Variants in IL1RAPL2 observed in about 807,000 individuals in gnomAD.
The protein encoded by IL1RAPL2 is interleukin 1 receptor accessory protein like 2, also known as X-linked interleukin-1 receptor accessory protein-like 2.
In IL1RAPL2, 3 loss-of-function variants were observed where a neutral mutation model predicts 44.1. The observed-to-expected ratio is 0.07, with a 90% CI of 0.03 to 0.18. IL1RAPL2 has a LOEUF of 0.18. IL1RAPL2 is among the 10% of genes least tolerant of loss of function. The pLI is 1.00. For missense variants in IL1RAPL2, 391 were observed against 496.4 expected (o/e 0.79, Z 2.02); for synonymous variants, 181 against 178.8 (o/e 1.01, Z -0.10).
At position 105,036,188 on chromosome X, in the gene IL1RAPL2, G is replaced by T. The variant is rs901043936; in HGVS notation, c.83-159287G>T. On this transcript the variant is annotated intron_variant, in intron 2 of 10. Coordinates refer to ENST00000372582, the MANE Select transcript of IL1RAPL2 (RefSeq NM_017416.2). ...ATTCTAAATTTCTGGTCACCTCATT[G>T]ACCCTTTCCCACTCCCAGCACCCAA... 2.7e-5 allele frequency among the ~76,000 whole-genome samples: 3 copies of T among 111,681 alleles called. No homozygotes were observed. The East Asian group carries it at 8.5e-4, about 31-fold the overall frequency.
chrX:105,373,000 A>G (rs1430201410), intron 5 of IL1RAPL2, among the ~76,000 whole-genome samples: 4 of 112,568 alleles, frequency 3.6e-5, no homozygotes, highest in Non-Finnish European at 7.5e-5. Context: ...TGTCTTTATG[A>G]TAGAACAATT....
intron 2 of IL1RAPL2, among the ~76,000 whole-genome samples, chrX:105,162,566 T>C (rs1171728746): frequency 1.8e-5 from 2 of 112,338 alleles, no homozygotes; most frequent in East Asian, 2.8e-4. Context: ...TGAATTATTA[T>C]ATATTTTTAA....
At chrX:105,090,267 C>T (rs2147554133) in intron 2 of IL1RAPL2, among the ~76,000 whole-genome samples, 1 of 111,544 alleles carries the variant, frequency 9.0e-6, no homozygotes, top group African/African-American at 3.3e-5. Context: ...TATTCAAGTC[C>T]CACAGTCACT....
At chrX:104,883,453 C>T (rs1432298043) in intron 2 of IL1RAPL2, among the ~76,000 whole-genome samples, 1 of 111,098 alleles carries the variant, frequency 9.0e-6, no homozygotes, top group Admixed American at 9.5e-5. Flanking sequence ...CATTCAGCTC[C>T]AGGGTCCCGA....
chrX:105,757,127 T>A (rs1439089411), intron 10 of IL1RAPL2, among the ~76,000 whole-genome samples: 1 of 111,871 alleles, frequency 8.9e-6, no homozygotes. Flanking sequence ...CTCCTAAATT[T>A]GTCTCCTACC....
chrX:104,847,391 A>C (rs1922084152), intron 2 of IL1RAPL2, among the ~76,000 whole-genome samples: 1 of 111,801 alleles, frequency 8.9e-6, no homozygotes, highest in Non-Finnish European at 1.9e-5. Flanking sequence ...GAAGGGATCC[A>C]GTTTCAGCTT....
intron 6 of IL1RAPL2, among the ~76,000 whole-genome samples, chrX:105,576,759 A>G (rs1330853257): frequency 8.9e-6 from 1 of 111,923 alleles, no homozygotes; most frequent in African/African-American, 3.2e-5. Context: ...TGCAGAATAT[A>G]TAAGCCAACT....
chrX:104,692,736 A>G (rs1178816070), intron 2 of IL1RAPL2, among the ~76,000 whole-genome samples: 1 of 111,305 alleles, frequency 9.0e-6, no homozygotes, highest in East Asian at 2.8e-4. Flanking sequence ...TCTTAATCCA[A>G]TCTATCATCG....
At chrX:105,583,499 G>T (rs2037104801) in intron 6 of IL1RAPL2, among the ~76,000 whole-genome samples, 1 of 111,781 alleles carries the variant, frequency 8.9e-6, no homozygotes, top group African/African-American at 3.2e-5. Context: ...CATAAGCCTT[G>T]TTAGTTTGCA....
At chrX:105,024,778 T>A (rs2031338682) in intron 2 of IL1RAPL2, among the ~76,000 whole-genome samples, 1 of 111,574 alleles carries the variant, frequency 9.0e-6, no homozygotes, top group African/African-American at 3.2e-5. Flanking sequence ...GAAGATAGCA[T>A]GTTTATGTTG....
chrX:104,740,119 G>A (rs780708775), intron 2 of IL1RAPL2, among the ~76,000 whole-genome samples: 3 of 110,848 alleles, frequency 2.7e-5, no homozygotes, highest in Non-Finnish European at 3.8e-5. Context: ...TTCCTCCCTC[G>A]ATCAATAAGA....
At chrX:104,647,080 C>T (rs1410389557) in intron 1 of IL1RAPL2, 1 of 205,045 alleles carries the variant, frequency 4.9e-6, no homozygotes, top group African/African-American at 3.0e-5. Context: ...ATTTCCTTCA[C>T]TTTAAGCCAG....
chrX:105,447,352 TATAAATATATA>T (rs2035972466), intron 5 of IL1RAPL2, among the ~76,000 whole-genome samples: 2 of 65,143 alleles, frequency 3.1e-5, no homozygotes, highest in Non-Finnish European at 5.1e-5. Flanking sequence ...TATATAAATA[TATAAATATATA>T]AATATAAATA....
chrX:104,730,377 C>A (rs989614086), intron 2 of IL1RAPL2, among the ~76,000 whole-genome samples: 1 of 74,518 alleles, frequency 1.3e-5, no homozygotes, highest in Non-Finnish European at 2.9e-5. Flanking sequence ...TCCCCTCCCC[C>A]CCACCCCAGA....
chrX:105,131,043 A>T (rs1005324576), intron 2 of IL1RAPL2, among the ~76,000 whole-genome samples: 1 of 111,720 alleles, frequency 9.0e-6, no homozygotes, highest in Admixed American at 9.6e-5. Context: ...AAGAATGGGA[A>T]GGTAGTGTAA....
At position 105,204,461 on chromosome X, in the gene IL1RAPL2, T is replaced by C. The variant is rs370629819; in HGVS notation, c.356+8713T>C. Among the ~76,000 whole-genome samples, 20 of 112,073 alleles carry C rather than the reference T, an allele frequency of 1.8e-4. 1 individual carries two copies. In the East Asian group the frequency reaches 5.3e-3, roughly 30 times the overall value. On this transcript the variant is annotated intron_variant, in intron 3 of 10. Transcript: ENST00000372582. ...GACTGAAGATGTGCAATAACTCTAGTCCCAGGCATGAAAAGTAACTTCAGT... is the reference window on the plus strand; with the variant it reads ...GACTGAAGATGTGCAATAACTCTAGCCCCAGGCATGAAAAGTAACTTCAGT...
At chrX:105,183,983 C>T (rs782300843) in intron 2 of IL1RAPL2, among the ~76,000 whole-genome samples, 1 of 111,180 alleles carries the variant, frequency 9.0e-6, no homozygotes, top group Non-Finnish European at 1.9e-5. Context: ...CACATGGTCT[C>T]CTGGAAGCTC....
chrX:105,215,433 A>G (rs949572930), intron 3 of IL1RAPL2, among the ~76,000 whole-genome samples: 2 of 111,885 alleles, frequency 1.8e-5, no homozygotes, highest in Non-Finnish European at 3.8e-5. Context: ...CCCTGAATAG[A>G]CCAATAACAA....
Position 104,855,681 on chromosome X carries a change from G to GTGTTTTTT in IL1RAPL2, c.82+196687_82+196688insGTTTTTTT. 3.3e-4 allele frequency among the ~76,000 whole-genome samples: 18 copies of GTGTTTTTT among 53,863 alleles called. 5 individuals carry two copies. Among genetic ancestry groups the GTGTTTTTT allele is most frequent in the South Asian group, 7.6e-4 (1 of 1,316 alleles). 46.8% of individuals were successfully genotyped at this position (53,863 alleles called of 115,157 possible). On this transcript the variant is annotated intron_variant, in intron 2 of 10. Transcript: ENST00000372582. Reference sequence around the variant, plus strand: ...TTAACTGTGCTAAGGATCTGGATCCGTTTTTTTTTTTTTTTTTACTGTATC... The same window carrying GTGTTTTTT: ...TTAACTGTGCTAAGGATCTGGATCCGTGTTTTTTTTTTTTTTTTTTTTTTTACTGTATC...
Sources: allele counts gnomAD v4.1 joint callset (sites outside exome capture counted in the v4.1 genomes callset), GRCh38; gene constraint gnomAD v4.1.1; transcripts MANE v1.5; gene names NCBI Gene and HGNC (gene_info 2026-07-23, HGNC 2026-07-21).